Variants in LRP5 observed in about 807,000 individuals in gnomAD.
The protein encoded by LRP5 is LDL receptor related protein 5.
LRP5 carries 62 observed loss-of-function variants against 154.1 expected under a neutral mutation model. The observed-to-expected ratio is 0.40, with a 90% CI of 0.33 to 0.50. The LOEUF (loss-of-function observed/expected upper bound fraction) is 0.50, where lower values mean the gene tolerates loss of function less well. LRP5 is among the 20% of genes least tolerant of loss of function. LRP5 has a pLI of 0.55. For missense variants in LRP5, 1,915 were observed against 2,336.7 expected (o/e 0.82, Z 3.72); for synonymous variants, 966 against 1,011.5 (o/e 0.96, Z 0.85).
chr11:68,434,350 T>TTTCATTCATTCATTCATTCATTCATTCA (rs3138551), intron 18 of LRP5, among the ~76,000 whole-genome samples: 1 of 143,348 alleles, frequency 7.0e-6, no homozygotes. Context: ...GTGAGTTTTC[T>TTTCATTCATTCATTCATTCATTCATTCA]TTCATTCATT....
At chr11:68,414,604 T>G (rs775056749) in intron 12 of LRP5, among the ~76,000 whole-genome samples, 12 of 152,114 alleles carry the variant, frequency 7.9e-5, no homozygotes, top group Admixed American at 2.0e-4. Context: ...AGAGTGACTT[T>G]CCTATGGCCC....
rs561848598 is a variant in LRP5 at position 68,427,611 on chromosome 11, C to T, written c.3637+1424C>T. ...GGGAGAATTACTTGAACCTGGGAGG[C>T]GGAAGTTGCAGTGAGCCAAAATTAC... On this transcript the variant is annotated intron_variant, in intron 16 of 22. Transcript: ENST00000294304. Among the ~76,000 whole-genome samples the T allele has an allele frequency of 1.9e-4, 29 of 151,252 alleles. No individual in the cohort carries two copies. The East Asian group carries it at 2.2e-3, about 11-fold the overall frequency.
In LRP5 at chr11:68,423,864, C is replaced by T. The variant is rs1013795819; in HGVS notation, c.3236+167C>T. 3.3e-5 allele frequency among the ~76,000 whole-genome samples: 5 copies of T among 152,234 alleles called. No individual in the cohort carries two copies. The highest frequency in any genetic ancestry group is 1.2e-4 in the African/African-American group (5 of 41,464). ...AACACAGGCTCTTTCACAGCCCCTC[C>T]AGGAAAGCAGAAAGCCCCAAGGGCT... On this transcript the variant is annotated intron_variant, in intron 14 of 22. Coordinates refer to ENST00000294304, the MANE Select transcript of LRP5 (RefSeq NM_002335.4). This position sits in a 1 kb window ranked among gnomAD's most constrained non-coding sequence, Gnocchi z 4.7.
In LRP5 at chr11:68,362,475, G is replaced by T. The variant is rs369130685; in HGVS notation, c.687-1272G>T. 1.1e-3 allele frequency among the ~76,000 whole-genome samples: 163 copies of T among 152,254 alleles called. 3 individuals are homozygous for T. The South Asian group carries it at 0.033, about 31-fold the overall frequency. On this transcript the variant is annotated intron_variant, in intron 3 of 22. Coordinates refer to ENST00000294304, the MANE Select transcript of LRP5 (RefSeq NM_002335.4). ...AGGCGGGTGGATCGCCTGAGCTCAG[G>T]GCTTCAAGACCAGCCTTGGGCAACA...
chr11:68,341,061 T>C (rs904340894), intron 1 of LRP5, among the ~76,000 whole-genome samples: 25 of 134,418 alleles, frequency 1.9e-4, no homozygotes, highest in African/African-American at 8.0e-4. Context: ...AGATTGTTCT[T>C]TTTTTTTTTT....
At chr11:68,383,638 T>G (rs2098641431) in intron 5 of LRP5, among the ~76,000 whole-genome samples, 1 of 152,216 alleles carries the variant, frequency 6.6e-6, no homozygotes, top group Admixed American at 6.5e-5. Context: ...CATCCCTGGA[T>G]GTAGTGCTGC....
Position 68,429,636 on chromosome 11 carries a change from T to G in LRP5, c.3699T>G (p.Asp1233Glu). The G allele has an allele frequency of 1.9e-6, 3 of 1,614,170 alleles. No homozygotes were observed. Among genetic ancestry groups the G allele is most frequent in the Non-Finnish European group, 2.5e-6 (3 of 1,180,034 alleles). The part of the protein sequence containing the change: ...GCSHICIAKG[D>E]GTPRCSCPVH... Reference sequence around the variant, plus strand: ...CCCACATCTGTATTGCCAAGGGTGATGGGACACCACGGTGCTCATGCCCAG... The same window carrying G: ...CCCACATCTGTATTGCCAAGGGTGAGGGGACACCACGGTGCTCATGCCCAG... Residue 1233 changes from aspartate (D) to glutamate (E), a missense_variant, in exon 17 of 23, where the codon GAT becomes GAG. By Grantham distance (45) the Asp-to-Glu change is conservative (BLOSUM62 2). Around this residue, in one of 3 missense-constraint regions of LRP5, gnomAD observed 1,094 missense variants for 1,210.1 expected, o/e 0.90. Coordinates refer to ENST00000294304, the MANE Select transcript of LRP5 (RefSeq NM_002335.4).
chr11:68,424,282 T>C (rs965791203), intron 14 of LRP5, among the ~76,000 whole-genome samples: 8 of 152,052 alleles, frequency 5.3e-5, no homozygotes, highest in African/African-American at 1.9e-4. Context: ...GGGGCTGGCA[T>C]GAAGACGGGA....
chr11:68,380,536 C>T (rs1398422991), intron 5 of LRP5, among the ~76,000 whole-genome samples: 2 of 152,176 alleles, frequency 1.3e-5, no homozygotes, highest in South Asian at 2.1e-4. Context: ...GACATTTGAG[C>T]GCGTTTCCTT....
At chr11:68,321,652 G>A (rs547431567) in intron 1 of LRP5, among the ~76,000 whole-genome samples, 2 of 152,098 alleles carry the variant, frequency 1.3e-5, no homozygotes, top group African/African-American at 2.4e-5. Context: ...AACTCACTCC[G>A]GTGTCTGCTC....
intron 13 of LRP5, among the ~76,000 whole-genome samples, chr11:68,417,392 G>A (rs2153169849): frequency 7.0e-6 from 1 of 142,994 alleles, no homozygotes; most frequent in Non-Finnish European, 1.5e-5. Flanking sequence ...ATGAGCAAAT[G>A]TGAAACCGTG....
chr11:68,409,051 GAAAAAAAAAA>G (rs57069059), intron 9 of LRP5, among the ~76,000 whole-genome samples: 31 of 51,410 alleles, frequency 6.0e-4, no homozygotes, highest in African/African-American at 1.7e-3. Flanking sequence ...CTTATCTGGG[GAAAAAAAAAA>G]AAAAAAAAAA....
In LRP5 at chr11:68,433,838, G is replaced by A. The variant is rs750182264; in HGVS notation, c.4000G>A (p.Ala1334Thr). 13 of 1,611,680 alleles carry A rather than the reference G, an allele frequency of 8.1e-6. No homozygotes were observed. The highest frequency in any genetic ancestry group is 4.5e-5 in the East Asian group (2 of 44,868). Residue 1334 changes from alanine (A) to threonine (T), a missense_variant and splice_region_variant, in exon 18 of 23, where the codon GCC becomes ACC. Ala to Thr is a moderately conservative substitution (Grantham distance 58). This residue lies in a region of LRP5 where 1,094 missense variants were observed against 1,210.1 expected (regional missense o/e 0.90). Coordinates refer to ENST00000294304, the MANE Select transcript of LRP5 (RefSeq NM_002335.4). ...QDRSDEADCD[A>T]ICLPNQFRCA... ...CCGCTCAGACGAGGCGGACTGTGACGGTGAGGCCCTCCCCGTCAAGGCTCT... is the reference window on the plus strand; with the variant it reads ...CCGCTCAGACGAGGCGGACTGTGACAGTGAGGCCCTCCCCGTCAAGGCTCT...
chr11:68,429,579 C>A lies in LRP5; in HGVS notation c.3642C>A (p.Ala1214=). ...TGTCTTGTTTTGTCTTTGCAGCAGC[C>A]CACCCATGTGCCCGTGACAATGGTG... ...VEEVSLEEFS[A]HPCARDNGGC... Residue 1214 remains alanine (A), a synonymous_variant, in exon 17 of 23, where the codon GCC becomes GCA. Transcript: ENST00000294304. 6.2e-7 allele frequency: 1 copy of A among 1,614,142 alleles called. No individual in the cohort carries two copies.
chr11:68,348,251 C>T lies in LRP5; in HGVS notation c.488+8C>T. On this transcript the variant is annotated splice_region_variant and intron_variant, in intron 2 of 22. Transcript: ENST00000294304. ...CTTGGACCCCGCTCACGGGTAAACC[C>T]TGCTGCGACTCCACCTGGGTCCAGG... 6.2e-7 allele frequency: 1 copy of T among 1,603,192 alleles called. No homozygotes were observed. The highest frequency in any genetic ancestry group is 2.2e-5 in the East Asian group (1 of 44,888).
At chr11:68,372,386 GGTGTT>G (rs2098634602) in intron 5 of LRP5, among the ~76,000 whole-genome samples, 1 of 150,858 alleles carries the variant, frequency 6.6e-6, no homozygotes, top group African/African-American at 2.4e-5. Flanking sequence ...GGACCGTGGT[GGTGTT>G]GAGGAGGTGC....
Position 68,443,544 on chromosome 11 carries a change from CATATATAT to C in LRP5, c.4489-2857_4489-2850del, listed in dbSNP as rs1157048489. On this transcript the variant is annotated intron_variant, in intron 21 of 22. Coordinates refer to ENST00000294304, the MANE Select transcript of LRP5 (RefSeq NM_002335.4). ...AAATTATCAATCTCCTCTTTTATGG[CATATATAT>C]ATATATATATATATATATATATATA... Among the ~76,000 whole-genome samples, 172 of 22,294 alleles carry C rather than the reference CATATATAT, an allele frequency of 7.7e-3. 2 individuals carry two copies. Among genetic ancestry groups the C allele is most frequent in the Middle Eastern group, 0.038 (1 of 26 alleles). The allele number at this position is 22,294 out of a possible 152,430, so 14.6% of individuals were successfully genotyped here.
chr11:68,416,160 TC>T (rs2098662422), intron 12 of LRP5, among the ~76,000 whole-genome samples, 167 bp from the exon 13 acceptor site: 1 of 151,848 alleles, frequency 6.6e-6, no homozygotes. Flanking sequence ...AGAATGAAAT[TC>T]CCCATAGCGC....
At chr11:68,400,360 G>C (rs2153161213) in intron 7 of LRP5, among the ~76,000 whole-genome samples, 1 of 152,266 alleles carries the variant, frequency 6.6e-6, no homozygotes, top group East Asian at 1.9e-4. Flanking sequence ...ATGTCTGGAA[G>C]TTTGGTATTA....
Sources: allele counts gnomAD v4.1 joint callset (sites outside exome capture counted in the v4.1 genomes callset), GRCh38; gene constraint gnomAD v4.1.1; regional missense constraint gnomAD v4.1.1; non-coding constraint Gnocchi (gnomAD v3.1); transcripts MANE v1.5; gene names NCBI Gene and HGNC (gene_info 2026-07-23, HGNC 2026-07-21).